C8orf88: variants seen among roughly 807,000 people sequenced by gnomAD.
C8orf88 encodes chromosome 8 open reading frame 88, also known as uncharacterized protein C8orf88.
In C8orf88, 14 loss-of-function variants were observed where a neutral mutation model predicts 18.4. That is an observed-to-expected ratio of 0.76 (90% CI 0.50 to 1.19). The LOEUF (loss-of-function observed/expected upper bound fraction) is 1.19. C8orf88 is among the 50% of genes most tolerant of loss of function. C8orf88 has a pLI of 0.00. For synonymous variants in C8orf88, 45 were observed against 42.9 expected (o/e 1.05, Z -0.19); for missense variants, 116 against 134.7 (o/e 0.86, Z 0.69).
At position 90,960,760 on chromosome 8, in the gene C8orf88, G is replaced by C. The variant is rs1196950513; in HGVS notation, c.312C>G (p.Pro104=). ...TACTTACTGGTTTTTGCAGTACAAT[G>C]GGATGATCAGGCAGAAAGTCTGGTT... is the stretch of plus-strand genomic sequence containing the variant. The part of the protein sequence containing the change: ...RKKPDFLPDH[P]IVLQKPENNQ... Residue 104 remains proline, a synonymous_variant, in exon 5 of 6, where the codon CCC becomes CCG. Coordinates refer to ENST00000517562, the MANE Select transcript of C8orf88 (RefSeq NM_001190972.2). The C allele has an allele frequency of 6.5e-7, 1 of 1,529,378 alleles. No homozygotes were observed. Among genetic ancestry groups the C allele is most frequent in the Admixed American group, 2.0e-5 (1 of 50,768 alleles). 94.7% of individuals were successfully genotyped at this position (1,529,378 alleles called of 1,614,324 possible).
At chr8:90,969,140 A>C (rs1811248039) in intron 4 of C8orf88, among the ~76,000 whole-genome samples, 1 of 151,858 alleles carries the variant, frequency 6.6e-6, no homozygotes, top group Admixed American at 6.6e-5. Flanking sequence ...AAATGAAAAC[A>C]AGTGTTGAAA....
At chr8:90,984,913 T>A (rs1008978637) in intron 1 of C8orf88, among the ~76,000 whole-genome samples, 1 of 152,086 alleles carries the variant, frequency 6.6e-6, no homozygotes, top group African/African-American at 2.4e-5. Context: ...CATCCGACGC[T>A]CTCGCTCCCA....
At chr8:90,981,481 CCT>C (rs762795174) in intron 1 of C8orf88, among the ~76,000 whole-genome samples, 38 of 152,052 alleles carry the variant, frequency 2.5e-4, no homozygotes, top group African/African-American at 8.2e-4. Context: ...AAAATATCCC[CCT>C]GTCTCAACAG....
chr8:90,966,495 A>G (rs1382381015), intron 4 of C8orf88, among the ~76,000 whole-genome samples: 2 of 107,976 alleles, frequency 1.9e-5, no homozygotes, highest in Non-Finnish European at 4.7e-5. Context: ...CTAAAACTTA[A>G]AGTATAATAA....
At chr8:90,960,871 A>G (rs2740780) in intron 4 of C8orf88, 23 bp from the exon 5 acceptor site, 591,468 of 1,346,110 alleles carry the variant, frequency 0.44, 142,108 homozygotes, top group African/African-American at 0.84. Flanking sequence ...AACATCAAAT[A>G]TAATGTTAGG....
intron 3 of C8orf88, among the ~76,000 whole-genome samples, chr8:90,974,926 T>TA (rs1397824592): frequency 6.6e-6 from 1 of 152,124 alleles, no homozygotes; most frequent in Admixed American, 6.5e-5. Context: ...AAAATCACTA[T>TA]AAAAAATCAA....
At chr8:90,980,272 G>T in intron 2 of C8orf88, 91 bp downstream of exon 2, 1 of 756,274 alleles carries the variant, frequency 1.3e-6, no homozygotes, top group Non-Finnish European at 1.9e-6. Context: ...ATATCCACCT[G>T]AAACAATACT....
chr8:90,978,424 T>G (rs1199745946), intron 3 of C8orf88, among the ~76,000 whole-genome samples, 155 bp downstream of exon 3: 1 of 152,232 alleles, frequency 6.6e-6, no homozygotes, highest in Non-Finnish European at 1.5e-5. Context: ...TTAAAAATGC[T>G]GGGTGACAGA....
intron 3 of C8orf88, among the ~76,000 whole-genome samples, chr8:90,977,861 C>T (rs1451266427): frequency 6.6e-6 from 1 of 152,066 alleles, no homozygotes; most frequent in South Asian, 2.1e-4. Context: ...GCAGGAGAAT[C>T]GCTTGACCCC....
Position 90,960,639 on chromosome 8 carries a change from A to G in C8orf88, c.330+103T>C. 4 of 581,406 alleles carry G rather than the reference A, an allele frequency of 6.9e-6. No homozygotes were observed. The East Asian group carries it at 1.2e-4, about 17-fold the overall frequency. 36.0% of individuals were successfully genotyped at this position (581,406 alleles called of 1,614,324 possible). A position where few individuals can be genotyped will look rare whatever the true frequency, so the allele number is the denominator to read the frequency against. On this transcript the variant is annotated intron_variant, in intron 5 of 5. Coordinates refer to ENST00000517562, the MANE Select transcript of C8orf88 (RefSeq NM_001190972.2). ...TAGTTTTCTGAATTACTTATATCTT[A>G]TAATAAGGAAGGTTAAAAATCTAGA...
At chr8:90,959,900 G>A (rs1163489780) in intron 5 of C8orf88, among the ~76,000 whole-genome samples, 1 of 151,330 alleles carries the variant, frequency 6.6e-6, no homozygotes, top group East Asian at 1.9e-4. Flanking sequence ...CACAAAGAAT[G>A]GGAATCATTT....
intron 4 of C8orf88, among the ~76,000 whole-genome samples, chr8:90,962,713 A>G (rs1811146636): frequency 6.6e-6 from 1 of 151,602 alleles, no homozygotes; most frequent in Admixed American, 6.6e-5. Context: ...GACCTTTCTT[A>G]TAGTTCCCTG....
At chr8:90,971,478 AAAC>A (rs1811282318) in intron 3 of C8orf88, among the ~76,000 whole-genome samples, 1 of 152,228 alleles carries the variant, frequency 6.6e-6, no homozygotes, top group African/African-American at 2.4e-5. Context: ...TAATTGATGA[AAAC>A]AACACATTTT....
In C8orf88 at chr8:90,971,067, T is replaced by C; in HGVS notation, c.222A>G (p.Lys74=). 5 of 1,507,546 alleles carry C rather than the reference T, an allele frequency of 3.3e-6. No homozygotes were observed. The highest frequency in any genetic ancestry group is 4.4e-6 in the Non-Finnish European group (5 of 1,130,688). 93.4% of individuals were successfully genotyped at this position (1,507,546 alleles called of 1,614,324 possible). Residue 74 remains lysine, a splice_region_variant and synonymous_variant, in exon 4 of 6, where the codon AAA becomes AAG. Coordinates refer to ENST00000517562, the MANE Select transcript of C8orf88 (RefSeq NM_001190972.2). The part of the protein sequence containing the change: ...EQQQQQSPVK[K]ERIKYSRDFL... The stretch of plus-strand genomic sequence containing the variant: ...TTGGGAATTATGATAAAATTTTACC[T>C]TTCTTAACTGGAGACTGCTGTTGCT...
intron 3 of C8orf88, 75 bp downstream of exon 3, chr8:90,978,504 G>T: frequency 1.2e-6 from 1 of 806,564 alleles, no homozygotes; most frequent in Non-Finnish European, 1.9e-6. Context: ...ATAGTATCTG[G>T]CACACAATAG....
chr8:90,964,178 T>C (rs1343889555), intron 4 of C8orf88, among the ~76,000 whole-genome samples: 1 of 151,662 alleles, frequency 6.6e-6, no homozygotes, highest in African/African-American at 2.4e-5. Flanking sequence ...AATCCCACCA[T>C]AAATTAAGGA....
intron 3 of C8orf88, among the ~76,000 whole-genome samples, chr8:90,972,505 A>C (rs904630987): frequency 3.3e-5 from 5 of 152,102 alleles, no homozygotes; most frequent in Non-Finnish European, 7.4e-5. Flanking sequence ...GCAAGATCTA[A>C]AATCAAACTT....
At chr8:90,980,495 G>A in intron 1 of C8orf88, 34 bp from the exon 2 acceptor site, 4 of 962,594 alleles carry the variant, frequency 4.2e-6, no homozygotes, top group Non-Finnish European at 6.1e-6. Context: ...TTATCTTTTG[G>A]ACAAAATAAT....
intron 1 of C8orf88, among the ~76,000 whole-genome samples, chr8:90,983,348 C>A (rs533009239): frequency 4.7e-4 from 72 of 151,896 alleles, no homozygotes; most frequent in African/African-American, 1.5e-3. Flanking sequence ...CAAGATCACA[C>A]ACACTTAACA....
Sources: gnomAD v4.1 joint callset for allele counts (sites outside exome capture counted in the v4.1 genomes callset) on GRCh38, gnomAD v4.1.1 for gene constraint, MANE v1.5 for transcripts, NCBI Gene and HGNC (gene_info 2026-07-23, HGNC 2026-07-21) for gene names.